Variants in QSER1 observed in about 807,000 individuals in gnomAD.
QSER1 encodes glutamine and serine-rich protein 1.
QSER1 carries 49 observed loss-of-function variants against 158.5 expected under a neutral mutation model. The ratio of observed to expected loss-of-function variants is 0.31; its 90% CI spans 0.25 to 0.39. The LOEUF is 0.39. QSER1 is among the 10% of genes least tolerant of loss of function. QSER1 has a pLI of 1.00. For synonymous variants in QSER1, 650 were observed against 715.5 expected, an observed-to-expected ratio of 0.91 and a Z score of 1.46; for missense variants, 1,754 against 2,010.3, an observed-to-expected ratio of 0.87 and a Z score of 2.44.
Position 32,933,454 on chromosome 11 carries a change from T to C in QSER1, c.2196T>C (p.Asp732=), listed in dbSNP as rs1564934598. 1.9e-6 allele frequency: 3 copies of C among 1,613,036 alleles called. No homozygotes were observed. In the African/African-American group the frequency reaches 4.0e-5, roughly 22 times the overall value. The change falls in exon 4 of 13, where the codon GAT becomes GAC. Residue 732 remains aspartate (D), a synonymous_variant. Coordinates refer to ENST00000650167, the MANE Select transcript of QSER1 (RefSeq NM_001076786.3). ...CAACTTATAAGGTGTCAAAGGCAGA[T>C]GACAGATATTCTCAGAGTGTAATCA... ...QESTYKVSKA[D]DRYSQSVIRS... is the part of the protein sequence containing the mutation.
intron 5 of QSER1, 138 bp downstream of exon 5, chr11:32,954,317 A>G: frequency 2.1e-6 from 2 of 975,282 alleles, no homozygotes; most frequent in Non-Finnish European, 2.9e-6. Flanking sequence ...ATAAAATCAA[A>G]ATATTAAGAG....
In QSER1 at chr11:32,958,079, C is replaced by T. The variant is rs1446012451; in HGVS notation, c.4962C>T (p.Asp1654=). The change falls in exon 8 of 13, where the codon GAC becomes GAT. Residue 1654 remains aspartate (D), a synonymous_variant. Coordinates refer to ENST00000650167, the MANE Select transcript of QSER1 (RefSeq NM_001076786.3). ...SSPEIHTSSS[D]DEEFEPPAPF... is the part of the protein sequence containing the mutation. ...CTGAGATCCATACTAGTAGTAGTGA[C>T]GATGAGGGTGAGTTTTCCGTGAAAT... is the stretch of plus-strand genomic sequence containing the variant. 10 of 1,613,174 alleles carry T rather than the reference C, an allele frequency of 6.2e-6. No individual in the cohort carries two copies. The highest frequency in any genetic ancestry group is 5.5e-5 in the South Asian group (5 of 91,010).
At position 32,935,442 on chromosome 11, in the gene QSER1, T is replaced by C; in HGVS notation, c.4177+7T>C. The C allele has an allele frequency of 1.4e-6, 2 of 1,474,618 alleles. No homozygotes were observed. Among genetic ancestry groups the C allele is most frequent in the Non-Finnish European group, 1.8e-6 (2 of 1,114,192 alleles). The allele number at this position is 1,474,618 out of a possible 1,614,324, so 91.3% of individuals were successfully genotyped here. On this transcript the variant is annotated splice_region_variant and intron_variant, in intron 4 of 12. Transcript: ENST00000650167. ...GATAAAAAGAAGAAAACAGGTAAAG[T>C]TTTACAATTTAGATTCATAATTATT...
chr11:32,932,251 G>A lies in QSER1; in HGVS notation c.993G>A (p.Gln331=). ...GGCCTTCAGGTACCCAGTCAATTCA[G>A]GCACAACTGACTGGTTCACAGCACT... The part of the protein sequence containing the change: ...HQRPSGTQSI[Q]AQLTGSQHSL... Residue 331 remains glutamine (Q), a synonymous_variant, in exon 4 of 13, where the codon CAG becomes CAA. Transcript: ENST00000650167. 1 of 1,614,090 alleles carries A rather than the reference G, an allele frequency of 6.2e-7. No individual in the cohort carries two copies. The highest frequency in any genetic ancestry group is 1.1e-5 in the South Asian group (1 of 91,088).
intron 3 of QSER1, 112 bp from the exon 4 acceptor site, chr11:32,931,631 T>A (rs1440548369): frequency 5.0e-6 from 4 of 794,868 alleles, no homozygotes; most frequent in Non-Finnish European, 7.8e-6. Context: ...CTGGTCAGGT[T>A]TTTCAGTCTT....
chr11:32,909,442 ATT>A (rs550466678), intron 1 of QSER1, among the ~76,000 whole-genome samples: 6 of 140,582 alleles, frequency 4.3e-5, no homozygotes, highest in East Asian at 2.1e-4. Flanking sequence ...ACTCTAGATC[ATT>A]TTTTTTTTTT....
chr11:32,920,014 T>C (rs1240363555), intron 1 of QSER1, among the ~76,000 whole-genome samples: 2 of 152,164 alleles, frequency 1.3e-5, no homozygotes. Context: ...CAAGATACTC[T>C]AGACTCATCT....
intron 4 of QSER1, among the ~76,000 whole-genome samples, chr11:32,943,163 A>G (rs549651093): frequency 3.3e-5 from 5 of 152,274 alleles, no homozygotes; most frequent in Admixed American, 2.0e-4. Context: ...TAGATATACA[A>G]TCATGTAATC....
chr11:32,934,170 G>A lies in QSER1; in HGVS notation c.2912G>A (p.Ser971Asn), dbSNP rs200879298. ...SMCFPEAVLL[S>N]DERNILSNVD... is the part of the protein sequence containing the mutation. ...TGTTTCCCAGAGGCAGTGCTTCTTA[G>A]TGATGAAAGAAATATTTTATCAAAT... Residue 971 changes from serine (S) to asparagine (N), a missense_variant, in exon 4 of 13, where the codon AGT becomes AAT. By Grantham distance (46) the Ser-to-Asn change is conservative. This residue lies in a region of QSER1 where 1,707 missense variants were observed against 1,919.6 expected (regional missense o/e 0.89). Transcript: ENST00000650167. 2.0e-4 allele frequency: 327 copies of A among 1,613,918 alleles called. 1 individual carries two copies. Among genetic ancestry groups the A allele is most frequent in the Admixed American group, 5.0e-5 (3 of 59,978 alleles).
At chr11:32,936,940 C>T (rs1852161263) in intron 4 of QSER1, among the ~76,000 whole-genome samples, 1 of 152,186 alleles carries the variant, frequency 6.6e-6, no homozygotes. Flanking sequence ...GATAGAAAGT[C>T]AGTCTCAGAT....
At chr11:32,953,409 G>A (rs911365870) in intron 4 of QSER1, among the ~76,000 whole-genome samples, 5 of 151,924 alleles carry the variant, frequency 3.3e-5, no homozygotes, top group Non-Finnish European at 5.9e-5. Flanking sequence ...CTGGAGTGCA[G>A]TGGCACTATC....
At position 32,934,450 on chromosome 11, in the gene QSER1, C is replaced by A; in HGVS notation, c.3192C>A (p.Ala1064=). Residue 1064 remains alanine (A), a synonymous_variant, in exon 4 of 13, where the codon GCC becomes GCA. Transcript: ENST00000650167. ...CTGTGAACCTTTCACCAGTACCTGC[C>A]CTTCAGTCAAAAATGACTCTTGATC... ...QVTVNLSPVP[A]LQSKMTLDQQ... is the part of the protein sequence containing the mutation. 1 of 1,613,712 alleles carries A rather than the reference C, an allele frequency of 6.2e-7. No homozygotes were observed. Among genetic ancestry groups the A allele is most frequent in the Non-Finnish European group, 8.5e-7 (1 of 1,179,968 alleles).
intron 10 of QSER1, among the ~76,000 whole-genome samples, chr11:32,972,074 A>C (rs1443067224): frequency 1.3e-5 from 2 of 151,846 alleles, no homozygotes; most frequent in African/African-American, 4.8e-5. Flanking sequence ...AAAAAAAAAA[A>C]AAACAAAACA....
chr11:32,958,459 C>T (rs1336893156), intron 8 of QSER1, among the ~76,000 whole-genome samples: 1 of 151,924 alleles, frequency 6.6e-6, no homozygotes, highest in African/African-American at 2.4e-5. Context: ...ATGATCCTAG[C>T]TCACTGCAGC....
chr11:32,954,025 T>A lies in QSER1; in HGVS notation c.4346T>A (p.Leu1449His), dbSNP rs367957803. 1 of 1,614,070 alleles carries A rather than the reference T, an allele frequency of 6.2e-7. No individual in the cohort carries two copies. Among genetic ancestry groups the A allele is most frequent in the Non-Finnish European group, 8.5e-7 (1 of 1,180,034 alleles). ...TCAGAATCCTCAAAGCCCATTGAAC[T>A]TGATGGTCTTCCTTCAGACCAGTTT... is the stretch of plus-strand genomic sequence containing the variant. ...SSSESSKPIE[L>H]DGLPSDQFAK... Residue 1449 changes from leucine to histidine, a missense_variant, in exon 5 of 13, where the codon CTT becomes CAT. Coordinates refer to ENST00000650167, the MANE Select transcript of QSER1 (RefSeq NM_001076786.3).
At chr11:32,960,328 G>A (rs1234367300) in intron 8 of QSER1, among the ~76,000 whole-genome samples, 1 of 152,282 alleles carries the variant, frequency 6.6e-6, no homozygotes, top group Non-Finnish European at 1.5e-5. Context: ...AGGCTGAGGA[G>A]GGTGGATCGC....
At position 32,928,427 on chromosome 11, in the gene QSER1, A is replaced by T. The variant is rs566382424; in HGVS notation, c.484+304A>T. Among the ~76,000 whole-genome samples the T allele has an allele frequency of 5.3e-5, 8 of 152,312 alleles. No individual in the cohort carries two copies. In the South Asian group the frequency reaches 1.4e-3, roughly 28 times the overall value. ...ACTTGTCTACTTGAAAGAAGCAAAG[A>T]TTAAAATTTATTTTAGTGACTTCAG... is the stretch of plus-strand genomic sequence containing the variant. On this transcript the variant is annotated intron_variant, in intron 3 of 12. Transcript: ENST00000650167.
intron 1 of QSER1, among the ~76,000 whole-genome samples, chr11:32,900,651 C>T (rs926543664): frequency 2.0e-5 from 3 of 152,208 alleles, no homozygotes; most frequent in African/African-American, 7.2e-5. Flanking sequence ...TCATTCCCCT[C>T]CCACCACCAT....
At chr11:32,929,914 T>A (rs191401827) in intron 3 of QSER1, among the ~76,000 whole-genome samples, 1 of 152,336 alleles carries the variant, frequency 6.6e-6, no homozygotes, top group East Asian at 1.9e-4. Flanking sequence ...TACTACCACT[T>A]TAAGCCCCAG....
Sources: allele counts gnomAD v4.1 joint callset (sites outside exome capture counted in the v4.1 genomes callset), GRCh38; gene constraint gnomAD v4.1.1; regional missense constraint gnomAD v4.1.1; transcripts MANE v1.5; gene names NCBI Gene and HGNC (gene_info 2026-07-23, HGNC 2026-07-21).